The following SEM1 variants were observed in gnomAD, a reference collection of about 807,000 sequenced individuals.
SEM1 encodes the protein 26S proteasome complex subunit SEM1.
A neutral mutation model predicts 12.7 loss-of-function variants in SEM1; 3 were observed. The observed-to-expected ratio is 0.24, with a 90% CI of 0.11 to 0.61. The LOEUF (loss-of-function observed/expected upper bound fraction) is 0.61. Ranked by LOEUF, SEM1 falls within the 20% of genes least tolerant of loss-of-function variation. The pLI, the probability that SEM1 is intolerant of heterozygous loss-of-function variation, is 0.88. For missense variants in SEM1, 59 were observed against 81.3 expected (o/e 0.73, Z 1.06); for synonymous variants, 30 against 27.8 (o/e 1.08, Z -0.25).
At chr7:96,707,103 C>G (rs1328852585) in intron 1 of SEM1, among the ~76,000 whole-genome samples, 1 of 152,098 alleles carries the variant, frequency 6.6e-6, no homozygotes, top group African/African-American at 2.4e-5. Context: ...CTTAGGAATC[C>G]TGGTAAAGCC....
chr7:96,696,916 C>T (rs1360126880), intron 1 of SEM1: 3 of 151,934 alleles, frequency 2.0e-5, no homozygotes, highest in Non-Finnish European at 4.4e-5. Context: ...CACTGACAAC[C>T]AAGCAATTTT....
At chr7:96,573,577 G>A (rs987920954) in intron 2 of SEM1, among the ~76,000 whole-genome samples, 2 of 152,140 alleles carry the variant, frequency 1.3e-5, no homozygotes, top group Non-Finnish European at 2.9e-5. Context: ...TTTTCTTTAA[G>A]AATGTTGAAT....
At chr7:96,507,082 C>T (rs1803777357) in intron 2 of SEM1, among the ~76,000 whole-genome samples, 1 of 151,850 alleles carries the variant, frequency 6.6e-6, no homozygotes, top group Admixed American at 6.6e-5. Flanking sequence ...GAAAAGACAA[C>T]AGAAAAAGTA....
At chr7:96,606,408 G>A (rs1009782500) in intron 2 of SEM1, among the ~76,000 whole-genome samples, 10 of 152,156 alleles carry the variant, frequency 6.6e-5, no homozygotes, top group Non-Finnish European at 1.0e-4. Context: ...CAGAGCAGCT[G>A]AGCCTACCAC....
chr7:96,508,747 G>A (rs1803834468), intron 2 of SEM1, among the ~76,000 whole-genome samples: 1 of 152,056 alleles, frequency 6.6e-6, no homozygotes, highest in Non-Finnish European at 1.5e-5. Context: ...ATAGAATGTG[G>A]TCAAAGAAAA....
At chr7:96,632,985 T>C (rs573323931) in intron 2 of SEM1, among the ~76,000 whole-genome samples, 4 of 152,200 alleles carry the variant, frequency 2.6e-5, no homozygotes, top group African/African-American at 9.6e-5. Context: ...AGAGTTTTTT[T>C]AATTTTCTTG....
chr7:96,498,377 CTG>C (rs10661423), upstream of SEM1, among the ~76,000 whole-genome samples: 1 of 151,912 alleles, frequency 6.6e-6, no homozygotes, highest in African/African-American at 2.4e-5. Context: ...GCACGTGTGT[CTG>C]TGTAAGTGTG....
intron 2 of SEM1, among the ~76,000 whole-genome samples, chr7:96,485,536 CTTTTTTTTTTT>C (rs61088450): frequency 5.2e-5 from 4 of 76,704 alleles, no homozygotes; most frequent in East Asian, 3.4e-4. Context: ...TCTCTACATT[CTTTTTTTTTTT>C]TTTTTTTTTT....
At chr7:96,616,305 C>T (rs1481545224) in intron 2 of SEM1, among the ~76,000 whole-genome samples, 2 of 152,166 alleles carry the variant, frequency 1.3e-5, no homozygotes, top group East Asian at 1.9e-4. Context: ...TGATGCTGAA[C>T]ATTTTTTCAT....
At chr7:96,604,533 T>G (rs1254031715) in intron 2 of SEM1, among the ~76,000 whole-genome samples, 3 of 152,140 alleles carry the variant, frequency 2.0e-5, no homozygotes, top group African/African-American at 7.2e-5. Flanking sequence ...TATTCCAACT[T>G]ATAAGATGCT....
upstream of SEM1, among the ~76,000 whole-genome samples, chr7:96,497,889 T>G (rs1435852170): frequency 1.3e-5 from 2 of 152,048 alleles, no homozygotes; most frequent in African/African-American, 4.8e-5. Context: ...CTTATTATAT[T>G]CTCTATGTGC....
At chr7:96,517,776 T>C (rs1477482009) in intron 2 of SEM1, among the ~76,000 whole-genome samples, 1 of 152,148 alleles carries the variant, frequency 6.6e-6, no homozygotes, top group Non-Finnish European at 1.5e-5. Context: ...TCTCCCAATA[T>C]GTTATATGTT....
At chr7:96,576,731 T>C (rs573602908) in intron 2 of SEM1, among the ~76,000 whole-genome samples, 1 of 152,302 alleles carries the variant, frequency 6.6e-6, no homozygotes, top group Admixed American at 6.5e-5. Flanking sequence ...GAGGTAGTTT[T>C]CTTTCTATGT....
chr7:96,573,836 T>C (rs1393256016), intron 2 of SEM1, among the ~76,000 whole-genome samples: 1 of 152,186 alleles, frequency 6.6e-6, no homozygotes, highest in South Asian at 2.1e-4. Flanking sequence ...TTGGATAATA[T>C]CCTGAAGAGT....
Position 96,610,081 on chromosome 7 carries a change from C to T in SEM1, c.170+84717G>A, listed in dbSNP as rs888804946. Among the ~76,000 whole-genome samples, 18 of 150,994 alleles carry T rather than the reference C, an allele frequency of 1.2e-4. 1 individual carries two copies. Among genetic ancestry groups the T allele is most frequent in the Non-Finnish European group, 2.6e-4 (18 of 67,926 alleles). ...GTTAGTCTCTCCCCACTGAGGGAAA[C>T]CATAAGTTATAAATTCCAGCAGGTT... On this transcript the variant is annotated intron_variant and NMD_transcript_variant, in intron 2 of 3. Transcript: ENST00000466986.
At chr7:96,694,328 T>C (rs1266118606) in intron 2 of SEM1, among the ~76,000 whole-genome samples, 1 of 152,024 alleles carries the variant, frequency 6.6e-6, no homozygotes, top group African/African-American at 2.4e-5. Context: ...CACTTTCAAA[T>C]GCTTAATTTT....
At chr7:96,702,778 C>A (rs937979211) in intron 1 of SEM1, among the ~76,000 whole-genome samples, 1 of 152,120 alleles carries the variant, frequency 6.6e-6, no homozygotes, top group Non-Finnish European at 1.5e-5. Flanking sequence ...AAGTGAACAT[C>A]CCCAGTAATG....
chr7:96,600,613 T>G (rs1584797291), intron 2 of SEM1, among the ~76,000 whole-genome samples: 1 of 152,174 alleles, frequency 6.6e-6, no homozygotes, highest in African/African-American at 2.4e-5. Flanking sequence ...CTGGGTCTGT[T>G]TGCTCTGGAA....
chr7:96,508,379 A>G (rs953912120), intron 2 of SEM1, among the ~76,000 whole-genome samples: 6 of 152,150 alleles, frequency 3.9e-5, no homozygotes, highest in African/African-American at 1.4e-4. Context: ...ATATCATAAC[A>G]ATGTAATAAA....
Sources: allele counts gnomAD v4.1 joint callset (sites outside exome capture counted in the v4.1 genomes callset), GRCh38; gene constraint gnomAD v4.1.1; transcripts MANE v1.5; gene names NCBI Gene and HGNC (gene_info 2026-07-23, HGNC 2026-07-21).